The following SCPPPQ1 variants were observed in gnomAD, a reference collection of about 807,000 sequenced individuals.
SCPPPQ1 encodes the protein secretory calcium-binding phosphoprotein proline- and glutamine-rich 1.
At chr4:87,468,467 A>T in the SCPPPQ1 span, among the ~76,000 whole-genome samples, 1 of 152,146 alleles carries the variant, frequency 6.6e-6, no homozygotes, top group Non-Finnish European at 1.5e-5. Context: ...TGTGCAGGGG[A>T]GAGAGTTTCT....
chr4:87,468,435 C>T, the SCPPPQ1 span, among the ~76,000 whole-genome samples: 6 of 152,194 alleles, frequency 3.9e-5, no homozygotes, highest in Non-Finnish European at 8.8e-5. Context: ...CTCACTTCTT[C>T]AAAAGCTCCT....
At chr4:87,462,364 T>C in the SCPPPQ1 span, 1 of 152,232 alleles carries the variant, frequency 6.6e-6, no homozygotes, top group Non-Finnish European at 1.5e-5. Flanking sequence ...TACACTATGA[T>C]TGGGCCCGTG....
the SCPPPQ1 span, among the ~76,000 whole-genome samples, chr4:87,464,382 A>T: frequency 3.5e-4 from 53 of 151,332 alleles, no homozygotes; most frequent in African/African-American, 1.3e-3. Context: ...CCAACCCCAA[A>T]CCTATCTCTG....
chr4:87,466,771 C>T, the SCPPPQ1 span, among the ~76,000 whole-genome samples: 4 of 151,932 alleles, frequency 2.6e-5, no homozygotes, highest in Admixed American at 2.6e-4. Flanking sequence ...ACCTATAATC[C>T]AGCTACTGGG....
At chr4:87,467,717 A>G in the SCPPPQ1 span, among the ~76,000 whole-genome samples, 1 of 152,134 alleles carries the variant, frequency 6.6e-6, no homozygotes, top group South Asian at 2.1e-4. Context: ...CTAAAGCCTC[A>G]TATTTCAGTA....
At chr4:87,462,565 T>G in the SCPPPQ1 span, among the ~76,000 whole-genome samples, 4 of 152,168 alleles carry the variant, frequency 2.6e-5, no homozygotes, top group African/African-American at 9.7e-5. Context: ...GAAGTCAAAG[T>G]TTGTAGCCTT....
At chr4:87,467,543 G>A in the SCPPPQ1 span, among the ~76,000 whole-genome samples, 3 of 152,312 alleles carry the variant, frequency 2.0e-5, no homozygotes, top group African/African-American at 7.2e-5. Context: ...GAGTAAGCTC[G>A]TAACGGTCAA....
chr4:87,463,270 C>G, the SCPPPQ1 span, among the ~76,000 whole-genome samples: 1 of 150,422 alleles, frequency 6.6e-6, no homozygotes, highest in Non-Finnish European at 1.5e-5. Context: ...TTACCTTTAT[C>G]AATTTAGTCA....
At chr4:87,467,650 C>A in the SCPPPQ1 span, among the ~76,000 whole-genome samples, 7 of 152,178 alleles carry the variant, frequency 4.6e-5, no homozygotes, top group Non-Finnish European at 1.5e-5. Flanking sequence ...CCCCTTGTCA[C>A]GTTCCACTAT....
At chr4:87,466,080 T>G in the SCPPPQ1 span, among the ~76,000 whole-genome samples, 1 of 152,114 alleles carries the variant, frequency 6.6e-6, no homozygotes, top group Non-Finnish European at 1.5e-5. Context: ...GACTCCAAGA[T>G]TTTGCATCAG....
chr4:87,466,890 G>A, the SCPPPQ1 span, among the ~76,000 whole-genome samples: 3 of 152,054 alleles, frequency 2.0e-5, no homozygotes, highest in Non-Finnish European at 2.9e-5. Context: ...GTTTTAAAAT[G>A]TATGTGATTT....
the SCPPPQ1 span, among the ~76,000 whole-genome samples, chr4:87,463,318 T>TAA: frequency 2.9e-4 from 38 of 133,328 alleles, no homozygotes; most frequent in Middle Eastern, 3.5e-3. Context: ...TTCCAAAAGT[T>TAA]AAAAAAAAAA....
chr4:87,467,427 T>C, the SCPPPQ1 span, among the ~76,000 whole-genome samples: 1 of 141,324 alleles, frequency 7.1e-6, no homozygotes, highest in Middle Eastern at 3.6e-3. Flanking sequence ...GGGAAAAAGT[T>C]ATAGAAAGCT....
At chr4:87,468,091 G>A in the SCPPPQ1 span, among the ~76,000 whole-genome samples, 1 of 152,176 alleles carries the variant, frequency 6.6e-6, no homozygotes, top group East Asian at 1.9e-4. Context: ...TGTTCTAAAG[G>A]AGAATAAGTA....
the SCPPPQ1 span, among the ~76,000 whole-genome samples, chr4:87,466,466 T>C: frequency 6.6e-6 from 1 of 152,136 alleles, no homozygotes; most frequent in Admixed American, 6.6e-5. Flanking sequence ...TAGCAATTAA[T>C]TATAAGTGCA....
At chr4:87,462,922 T>G in the SCPPPQ1 span, among the ~76,000 whole-genome samples, 2 of 147,324 alleles carry the variant, frequency 1.4e-5, no homozygotes, top group African/African-American at 2.5e-5. Flanking sequence ...CGCTTGAGCC[T>G]GGGGGGGCAG....
chr4:87,463,045 A>G, the SCPPPQ1 span, among the ~76,000 whole-genome samples: 1 of 151,592 alleles, frequency 6.6e-6, no homozygotes, highest in African/African-American at 2.4e-5. Context: ...TTGAAATTTC[A>G]TATTGCATAT....
chr4:87,464,043 G>A, the SCPPPQ1 span, among the ~76,000 whole-genome samples: 1 of 152,248 alleles, frequency 6.6e-6, no homozygotes, highest in East Asian at 1.9e-4. Flanking sequence ...TCTTAGGCAC[G>A]AACAATGCCC....
the SCPPPQ1 span, among the ~76,000 whole-genome samples, chr4:87,470,071 A>C: frequency 6.7e-6 from 1 of 150,338 alleles, no homozygotes; most frequent in African/African-American, 2.4e-5. Context: ...CTTCTGCCTC[A>C]GTCTCCCAAG....
Sources: allele counts gnomAD v4.1 joint callset (sites outside exome capture counted in the v4.1 genomes callset), GRCh38; gene constraint gnomAD v4.1.1; transcripts MANE v1.5; gene names NCBI Gene and HGNC (gene_info 2026-07-23, HGNC 2026-07-21).